The following PRKCI variants were observed in gnomAD, a reference collection of about 807,000 sequenced individuals.
The protein encoded by PRKCI is protein kinase C iota type.
A neutral mutation model predicts 84.0 loss-of-function variants in PRKCI; 43 were observed. The observed-to-expected ratio is 0.51, with a 90% CI of 0.40 to 0.66. The LOEUF is 0.66. Among genes scored for constraint, PRKCI ranks in the 30% least tolerant of loss-of-function variants. The pLI is 0.00. For synonymous variants in PRKCI, 216 were observed against 234.4 expected, an observed-to-expected ratio of 0.92 and a Z score of 0.72; for missense variants, 459 against 745.6, an observed-to-expected ratio of 0.62 and a Z score of 4.48.
Position 170,254,499 on chromosome 3 carries a change from G to A in PRKCI, c.224-5470G>A, listed in dbSNP as rs188268776. ...TTTTTGTATATGGCGAGAAATAGGG[G>A]TCTAGTTTCATTCATTCTTCTGCAT... On this transcript the variant is annotated intron_variant, in intron 2 of 17. Coordinates refer to ENST00000295797, the MANE Select transcript of PRKCI (RefSeq NM_002740.6). 9.1e-4 allele frequency among the ~76,000 whole-genome samples: 139 copies of A among 152,252 alleles called. 1 individual carries two copies. The highest frequency in any genetic ancestry group is 3.2e-3 in the African/African-American group (135 of 41,554).
intron 6 of PRKCI, among the ~76,000 whole-genome samples, chr3:170,272,395 C>A (rs767302464): frequency 6.6e-6 from 1 of 152,052 alleles, no homozygotes; most frequent in Non-Finnish European, 1.5e-5. Flanking sequence ...AGGTTATTAC[C>A]GGTAGCTCTT....
intron 2 of PRKCI, among the ~76,000 whole-genome samples, chr3:170,257,698 C>G (rs1342653074): frequency 7.0e-6 from 1 of 143,222 alleles, no homozygotes; most frequent in Admixed American, 7.1e-5. Context: ...AAGTCTCGCT[C>G]TTGTTGCCCA....
At position 170,305,521 on chromosome 3, in the gene PRKCI, G is replaced by C. The variant is rs1175657212; in HGVS notation, c.*2394G>C. 6.6e-6 allele frequency: 1 copy of C among 152,100 alleles called. No homozygotes were observed. The highest frequency in any genetic ancestry group is 1.5e-5 in the Non-Finnish European group (1 of 67,976). The allele number at this position is 152,100 out of a possible 1,614,324, so 9.4% of individuals were successfully genotyped here. On this transcript the variant is annotated 3_prime_UTR_variant, in exon 18 of 18. Transcript: ENST00000295797. ...AATGATGAGCATTTTTCTATGATGA[G>C]GTTTTAACCATTATTCAGGGTGGTC... is the stretch of plus-strand genomic sequence containing the variant.
chr3:170,252,673 A>T (rs922336567), intron 2 of PRKCI, among the ~76,000 whole-genome samples: 1 of 150,510 alleles, frequency 6.6e-6, no homozygotes, highest in Non-Finnish European at 1.5e-5. Flanking sequence ...ATCACAGCTC[A>T]CTGCAGCCTT....
Position 170,266,238 on chromosome 3 carries a change from G to T in PRKCI, c.365-1677G>T, listed in dbSNP as rs74701306. Among the ~76,000 whole-genome samples, 381 of 152,214 alleles carry T rather than the reference G, an allele frequency of 2.5e-3. 15 individuals are homozygous for T. In the East Asian group the frequency reaches 0.069, roughly 27 times the overall value. The stretch of plus-strand genomic sequence containing the variant: ...AAACATATTAATATAAAGACCACTG[G>T]ATGAAAAGTTGTTGGGGAAAAAGAT... On this transcript the variant is annotated intron_variant, in intron 4 of 17. Transcript: ENST00000295797.
chr3:170,282,322 T>C (rs887556671), intron 11 of PRKCI, among the ~76,000 whole-genome samples: 3 of 152,174 alleles, frequency 2.0e-5, no homozygotes, highest in East Asian at 1.9e-4. Flanking sequence ...TAAACACTTA[T>C]TAGTCTTTTC....
chr3:170,289,561 G>T (rs991545860), intron 12 of PRKCI, among the ~76,000 whole-genome samples: 3 of 152,132 alleles, frequency 2.0e-5, no homozygotes, highest in Admixed American at 2.0e-4. Context: ...ATCACCTGAG[G>T]TCAGGAGTTT....
Position 170,236,461 on chromosome 3 carries a change from A to G in PRKCI, c.223+1110A>G, listed in dbSNP as rs1416835347. Reference sequence around the variant, plus strand: ...TATATTTTAATTTAAGAGATTACCTATTTTTAAGCTGAATATTACCTTAAA... The same window carrying G: ...TATATTTTAATTTAAGAGATTACCTGTTTTTAAGCTGAATATTACCTTAAA... On this transcript the variant is annotated intron_variant, in intron 2 of 17. Coordinates refer to ENST00000295797, the MANE Select transcript of PRKCI (RefSeq NM_002740.6). Among the ~76,000 whole-genome samples the G allele has an allele frequency of 5.3e-5, 8 of 152,210 alleles. No individual in the cohort carries two copies. The South Asian group carries it at 6.2e-4, about 12-fold the overall frequency.
intron 2 of PRKCI, among the ~76,000 whole-genome samples, chr3:170,246,434 T>C (rs1733287397): frequency 6.6e-6 from 1 of 152,162 alleles, no homozygotes; most frequent in Admixed American, 6.5e-5. Context: ...ATTAGAGGGC[T>C]GAGCCACTGG....
At chr3:170,255,055 C>CTTTTTT (rs34437904) in intron 2 of PRKCI, among the ~76,000 whole-genome samples, 1 of 38,854 alleles carries the variant, frequency 2.6e-5, no homozygotes, top group Non-Finnish European at 4.3e-5. Context: ...AGATCTTTCA[C>CTTTTTT]TTTTTTTTTT....
chr3:170,222,926 G>A (rs1732529604), intron 1 of PRKCI, among the ~76,000 whole-genome samples, 156 bp downstream of exon 1: 1 of 151,932 alleles, frequency 6.6e-6, no homozygotes, highest in Non-Finnish European at 1.5e-5. Flanking sequence ...AAGTGATAGG[G>A]GTGGGGGCGA....
At chr3:170,301,585 ACTC>A (rs1021236797) in intron 17 of PRKCI, among the ~76,000 whole-genome samples, 4 of 149,144 alleles carry the variant, frequency 2.7e-5, no homozygotes, top group African/African-American at 7.4e-5. Context: ...GTGATTGTGG[ACTC>A]CTCCTTTTTC....
chr3:170,269,141 C>A (rs1733938482), intron 5 of PRKCI, among the ~76,000 whole-genome samples: 1 of 152,192 alleles, frequency 6.6e-6, no homozygotes, highest in South Asian at 2.1e-4. Flanking sequence ...TCTCAAACTC[C>A]TGACCTCGCG....
chr3:170,235,158 A>G (rs1287788671), intron 1 of PRKCI, 72 bp from the exon 2 acceptor site: 24 of 1,452,242 alleles, frequency 1.7e-5, no homozygotes, highest in Non-Finnish European at 2.2e-5. Flanking sequence ...TCAAATTGTC[A>G]AGCATTCAGT....
At chr3:170,237,649 T>C (rs1340304200) in intron 2 of PRKCI, among the ~76,000 whole-genome samples, 1 of 152,236 alleles carries the variant, frequency 6.6e-6, no homozygotes, top group African/African-American at 2.4e-5. Flanking sequence ...AGCTCAATAT[T>C]TGGGATCATT....
At chr3:170,283,269 C>T (rs1157643849) in intron 11 of PRKCI, among the ~76,000 whole-genome samples, 3 of 152,062 alleles carry the variant, frequency 2.0e-5, no homozygotes, top group Non-Finnish European at 2.9e-5. Context: ...GTTTCTTATC[C>T]GTAATCAGCA....
At chr3:170,222,792 G>T in intron 1 of PRKCI, 22 bp downstream of exon 1, 1 of 1,594,750 alleles carries the variant, frequency 6.3e-7, no homozygotes, top group Non-Finnish European at 8.5e-7. Context: ...GGGACAGGGC[G>T]GTGGGCGGGA....
Position 170,304,972 on chromosome 3 carries a change from T to C in PRKCI, c.*1845T>C, listed in dbSNP as rs1734919648. On this transcript the variant is annotated 3_prime_UTR_variant, in exon 18 of 18. Coordinates refer to ENST00000295797, the MANE Select transcript of PRKCI (RefSeq NM_002740.6). ...AAAGTTTCTAGCTATATACTCTCTT[T>C]CCTTCAAATAACATAAGTCTGAAAG... 6.6e-6 allele frequency: 1 copy of C among 152,210 alleles called. No individual in the cohort carries two copies. The highest frequency in any genetic ancestry group is 1.5e-5 in the Non-Finnish European group (1 of 68,044). 9.4% of individuals were successfully genotyped at this position (152,210 alleles called of 1,614,324 possible).
intron 2 of PRKCI, among the ~76,000 whole-genome samples, chr3:170,253,296 A>G (rs1278671161): frequency 1.3e-5 from 2 of 152,330 alleles, no homozygotes; most frequent in Non-Finnish European, 2.9e-5. Flanking sequence ...ACTAAAGTAC[A>G]TTCCCACCAA....
Sources: gnomAD v4.1 joint callset for allele counts (sites outside exome capture counted in the v4.1 genomes callset) on GRCh38, gnomAD v4.1.1 for gene constraint, MANE v1.5 for transcripts, NCBI Gene and HGNC (gene_info 2026-07-23, HGNC 2026-07-21) for gene names.